DOCK8: variants seen among roughly 807,000 people sequenced by gnomAD.
DOCK8 encodes the protein dedicator of cytokinesis protein 8.
In DOCK8, 141 loss-of-function variants were observed where a neutral mutation model predicts 245.6. The ratio of observed to expected loss-of-function variants is 0.57; its 90% CI spans 0.50 to 0.66. The LOEUF (loss-of-function observed/expected upper bound fraction) is 0.66. Among genes scored for constraint, DOCK8 ranks in the 30% least tolerant of loss-of-function variants. DOCK8 has a pLI of 0.00. For missense variants in DOCK8, 2,965 were observed against 2,603.4 expected (o/e 1.14, Z -3.02); for synonymous variants, 1,168 against 970.2 (o/e 1.20, Z -3.79).
rs775716876 is a variant in DOCK8, at chr9:317,105, A to G, written c.804A>G (p.Ile268Met). The G allele has an allele frequency of 6.2e-7, 1 of 1,613,972 alleles. No homozygotes were observed. Among genetic ancestry groups the G allele is most frequent in the Non-Finnish European group, 8.5e-7 (1 of 1,179,820 alleles). ...ECPKEHLGNR[I>M]LVKLLTLKFE... The stretch of plus-strand genomic sequence containing the variant: ...CCAAGGAACACCTGGGCAACAGAAT[A>G]TTGGTCAAGTTGCTGACCTTGAAGT... The change falls in exon 7 of 48, where the codon ATA becomes ATG. Residue 268 changes from isoleucine (I) to methionine (M), a missense_variant. Around this residue, in one of 3 missense-constraint regions of DOCK8, gnomAD observed 2,825 missense variants for 2,453.5 expected, o/e 1.15. Coordinates refer to ENST00000432829, the MANE Select transcript of DOCK8 (RefSeq NM_203447.4).
Position 414,083 on chromosome 9 carries a change from A to C in DOCK8, c.3531-699A>C, listed in dbSNP as rs959306702. 2.0e-5 allele frequency among the ~76,000 whole-genome samples: 3 copies of C among 151,626 alleles called. No homozygotes were observed. The East Asian group carries it at 5.8e-4, about 29-fold the overall frequency. ...CTTGAACCCAGGAGGTGGAGGTTGC[A>C]GTGAGCCGAGATCGTGTCATTGCAC... On this transcript the variant is annotated intron_variant, in intron 28 of 47. Transcript: ENST00000432829.
intron 23 of DOCK8, 141 bp from the exon 24 acceptor site, chr9:390,330 C>G: frequency 2.5e-6 from 2 of 785,372 alleles, no homozygotes; most frequent in Non-Finnish European, 4.3e-6. Flanking sequence ...CCATCCACCA[C>G]TTACTGCCTA....
intron 14 of DOCK8, among the ~76,000 whole-genome samples, chr9:349,223 T>G (rs1176771821): frequency 6.6e-6 from 1 of 152,226 alleles, no homozygotes; most frequent in Non-Finnish European, 1.5e-5. Context: ...AAACCATGGC[T>G]AATTCATCAG....
At chr9:366,532 G>T (rs1166403246) in intron 14 of DOCK8, 2 of 152,120 alleles carry the variant, frequency 1.3e-5, no homozygotes, top group East Asian at 3.8e-4. Flanking sequence ...TCCTTGATGT[G>T]GGATGTTCTT....
chr9:375,871 C>T (rs2053492496), intron 18 of DOCK8, among the ~76,000 whole-genome samples: 1 of 152,042 alleles, frequency 6.6e-6, no homozygotes, highest in African/African-American at 2.4e-5. Flanking sequence ...GTGGTGTGTG[C>T]CTGTAGTCCC....
chr9:400,985 T>TTA (rs1564017104), intron 26 of DOCK8, among the ~76,000 whole-genome samples: 1 of 75,834 alleles, frequency 1.3e-5, no homozygotes, highest in Non-Finnish European at 2.9e-5. Flanking sequence ...CATCACCACC[T>TTA]CCTCCACCAC....
At chr9:235,337 G>A (rs1159744816) in intron 1 of DOCK8, among the ~76,000 whole-genome samples, 1 of 152,084 alleles carries the variant, frequency 6.6e-6, no homozygotes, top group African/African-American at 2.4e-5. Flanking sequence ...TGGGCTACTC[G>A]GGGGTCAGGG....
intron 14 of DOCK8, among the ~76,000 whole-genome samples, chr9:345,573 A>T (rs766126358): frequency 6.6e-6 from 1 of 152,110 alleles, no homozygotes; most frequent in Non-Finnish European, 1.5e-5. Flanking sequence ...ATATTACTTG[A>T]GTTGAACTCC....
chr9:344,032 T>C (rs755323801), intron 14 of DOCK8, among the ~76,000 whole-genome samples: 1 of 152,218 alleles, frequency 6.6e-6, no homozygotes, highest in African/African-American at 2.4e-5. Flanking sequence ...CGGATTACAA[T>C]GGACCCAACT....
intron 1 of DOCK8, among the ~76,000 whole-genome samples, chr9:233,598 A>G (rs1467602070): frequency 2.6e-5 from 4 of 151,948 alleles, no homozygotes; most frequent in Non-Finnish European, 5.9e-5. Context: ...GGGTGCATAT[A>G]TATTTAGGAT....
At chr9:409,738 C>A (rs1016343666) in intron 28 of DOCK8, among the ~76,000 whole-genome samples, 4 of 152,068 alleles carry the variant, frequency 2.6e-5, no homozygotes, top group African/African-American at 7.2e-5. Flanking sequence ...CCACTCCCCC[C>A]ACCCCATGAC....
intron 27 of DOCK8, among the ~76,000 whole-genome samples, chr9:405,821 T>C (rs899215874): frequency 3.3e-5 from 5 of 152,228 alleles, no homozygotes; most frequent in African/African-American, 1.2e-4. Flanking sequence ...ATCCAGATAT[T>C]AGCTACATGA....
At chr9:283,235 A>T (rs755306611) in intron 2 of DOCK8, among the ~76,000 whole-genome samples, 18 of 152,226 alleles carry the variant, frequency 1.2e-4, no homozygotes, top group Non-Finnish European at 2.1e-4. Flanking sequence ...CTTCATCTGT[A>T]AAATGAGCAT....
intron 7 of DOCK8, among the ~76,000 whole-genome samples, chr9:325,276 A>G (rs1052338408): frequency 6.6e-6 from 1 of 152,232 alleles, no homozygotes; most frequent in African/African-American, 2.4e-5. Flanking sequence ...AACAGATACT[A>G]TCTAGCAATA....
chr9:367,938 A>C, intron 14 of DOCK8, 80 bp from the exon 15 acceptor site: 2 of 1,176,242 alleles, frequency 1.7e-6, no homozygotes, highest in Non-Finnish European at 2.5e-6. Flanking sequence ...CCATGAATGG[A>C]AGTCTCAGCA....
intron 1 of DOCK8, among the ~76,000 whole-genome samples, chr9:258,166 G>A (rs1450563009): frequency 1.3e-5 from 2 of 152,296 alleles, no homozygotes; most frequent in Admixed American, 1.3e-4. Context: ...TCCCCTTATA[G>A]CAAAGGCATG....
intron 2 of DOCK8, chr9:276,896 C>G (rs963725631): frequency 1.5e-4 from 37 of 246,024 alleles, no homozygotes; most frequent in African/African-American, 8.1e-4. Context: ...ACAACCTCCG[C>G]CTCCCAGGCT....
intron 14 of DOCK8, among the ~76,000 whole-genome samples, chr9:343,969 T>C (rs2051738243): frequency 6.6e-6 from 1 of 152,200 alleles, no homozygotes; most frequent in Non-Finnish European, 1.5e-5. Context: ...TAGAGTGCAT[T>C]AGTGCACTGA....
At chr9:338,240 C>G (rs2051411291) in intron 12 of DOCK8, among the ~76,000 whole-genome samples, 1 of 152,070 alleles carries the variant, frequency 6.6e-6, no homozygotes, top group African/African-American at 2.4e-5. Context: ...TGGTCTGACT[C>G]TGTTTTGGAA....
Sources: allele counts gnomAD v4.1 joint callset (sites outside exome capture counted in the v4.1 genomes callset), GRCh38; gene constraint gnomAD v4.1.1; regional missense constraint gnomAD v4.1.1; transcripts MANE v1.5; gene names NCBI Gene and HGNC (gene_info 2026-07-23, HGNC 2026-07-21).